Variants in RAD50 observed in about 807,000 individuals in gnomAD.
RAD50 encodes DNA repair protein RAD50.
A neutral mutation model predicts 168.8 loss-of-function variants in RAD50; 132 were observed. The observed-to-expected ratio is 0.78, with a 90% confidence interval of 0.68 to 0.90. RAD50 has a LOEUF of 0.90. RAD50 is among the 40% of genes least tolerant of loss of function. RAD50 has a pLI of 0.00. For missense variants in RAD50, 1,347 were observed against 1,534.4 expected, an observed-to-expected ratio of 0.88 and a Z score of 2.04; for synonymous variants, 525 against 497.4, an observed-to-expected ratio of 1.06 and a Z score of -0.74.
chr5:132,625,276 C>CG (rs1166434902), intron 21 of RAD50, among the ~76,000 whole-genome samples: 1 of 151,648 alleles, frequency 6.6e-6, no homozygotes, highest in African/African-American at 2.4e-5. Context: ...TTAGTAGAGA[C>CG]GGGGTTTCAC....
chr5:132,581,717 A>G (rs1451281920), intron 5 of RAD50, among the ~76,000 whole-genome samples: 1 of 152,210 alleles, frequency 6.6e-6, no homozygotes, highest in African/African-American at 2.4e-5. Flanking sequence ...ACCAATATGA[A>G]TCGGGGTCAG....
rs530247843 is a variant in RAD50 at position 132,556,983 on chromosome 5, T to C, written c.-342T>C. Reference sequence around the variant, plus strand: ...CGTGCGGGCCTAGAGGCCCACGTGATCCGCAGGGCGGCCGAGGCAGGAAGC... The same window carrying C: ...CGTGCGGGCCTAGAGGCCCACGTGACCCGCAGGGCGGCCGAGGCAGGAAGC... On this transcript the variant is annotated 5_prime_UTR_variant, in exon 1 of 25. Transcript: ENST00000378823. 2 of 911,230 alleles carry C rather than the reference T, an allele frequency of 2.2e-6. No individual in the cohort carries two copies. The highest frequency in any genetic ancestry group is 3.5e-5 in the South Asian group (2 of 57,050). 56.4% of individuals were successfully genotyped at this position (911,230 alleles called of 1,614,324 possible). A position where few individuals can be genotyped will look rare whatever the true frequency, so the allele number is the denominator to read the frequency against.
intron 21 of RAD50, among the ~76,000 whole-genome samples, chr5:132,624,532 A>G (rs190828479): frequency 9.2e-4 from 140 of 152,288 alleles, no homozygotes; most frequent in African/African-American, 2.9e-3. Context: ...AAGGAATAGG[A>G]GATCCAGTAA....
chr5:132,560,055 C>T (rs1580976641), intron 2 of RAD50, among the ~76,000 whole-genome samples: 1 of 148,862 alleles, frequency 6.7e-6, no homozygotes, highest in African/African-American at 2.6e-5. Context: ...CAACAATACA[C>T]ACACACACAC....
At chr5:132,566,707 G>A (rs1750215054) in intron 2 of RAD50, among the ~76,000 whole-genome samples, 1 of 152,170 alleles carries the variant, frequency 6.6e-6, no homozygotes, top group Non-Finnish European at 1.5e-5. Flanking sequence ...ACCATTTAGT[G>A]CCATCACCTT....
Position 132,609,318 on chromosome 5 carries a change from A to C in RAD50, c.2958A>C (p.Gln986His). Residue 986 changes from glutamine to histidine, a missense_variant, in exon 19 of 25, where the codon CAA (glutamine) becomes CAC (histidine). This residue lies in a region of RAD50 where 635 missense variants were observed against 739.2 expected (regional missense o/e 0.86). Transcript: ENST00000378823. ...CTGAACTTAATAAAGTAATAGCTCA[A>C]CTAAGTGAATGCGAGAAACACAAAG... ...KETELNKVIA[Q>H]LSECEKHKEK... 1 of 1,613,792 alleles carries C rather than the reference A, an allele frequency of 6.2e-7. No homozygotes were observed. The highest frequency in any genetic ancestry group is 8.5e-7 in the Non-Finnish European group (1 of 1,179,884).
chr5:132,578,786 C>T (rs547337892), intron 3 of RAD50, among the ~76,000 whole-genome samples: 1 of 152,106 alleles, frequency 6.6e-6, no homozygotes, highest in Non-Finnish European at 1.5e-5. Context: ...ACCTCGGCCT[C>T]CCAAATTGCT....
intron 23 of RAD50, among the ~76,000 whole-genome samples, chr5:132,640,077 G>A (rs941557875): frequency 6.6e-6 from 1 of 152,132 alleles, no homozygotes; most frequent in Non-Finnish European, 1.5e-5. Context: ...TAGTAACCAC[G>A]AAAATGCCTA....
intron 13 of RAD50, among the ~76,000 whole-genome samples, chr5:132,601,685 A>G (rs1225295825): frequency 6.6e-6 from 1 of 152,214 alleles, no homozygotes; most frequent in East Asian, 1.9e-4. Context: ...ACATATGTTT[A>G]TTGCGGCACT....
At chr5:132,586,498 G>A (rs187727699) in intron 5 of RAD50, among the ~76,000 whole-genome samples, 1 of 152,138 alleles carries the variant, frequency 6.6e-6, no homozygotes, top group Admixed American at 6.5e-5. Flanking sequence ...CCTATTGCAT[G>A]TTCTGGGGAT....
chr5:132,578,757 G>T (rs1426038942), intron 3 of RAD50, among the ~76,000 whole-genome samples: 3 of 151,740 alleles, frequency 2.0e-5, no homozygotes, highest in Non-Finnish European at 2.9e-5. Context: ...TCGAACTCCT[G>T]ACCTCAGGTG....
At chr5:132,625,775 A>C (rs1011330637) in intron 21 of RAD50, among the ~76,000 whole-genome samples, 1 of 152,162 alleles carries the variant, frequency 6.6e-6, no homozygotes, top group Non-Finnish European at 1.5e-5. Flanking sequence ...AGAACATGCA[A>C]AGTTTGTCTT....
intron 5 of RAD50, among the ~76,000 whole-genome samples, chr5:132,580,553 T>C (rs955046158): frequency 2.0e-5 from 3 of 152,336 alleles, no homozygotes; most frequent in Middle Eastern, 3.4e-3. Flanking sequence ...AATTGACATC[T>C]TTCTAGAGAA....
In RAD50 at chr5:132,611,532, C is replaced by T. The variant is rs186850608; in HGVS notation, c.3036+2136C>T. On this transcript the variant is annotated intron_variant, in intron 19 of 24. Transcript: ENST00000378823. ...CATCCTGGCTAACACGCCGAAACCC[C>T]GTCTCTACTAAAAAATACAAAAAAT... Among the ~76,000 whole-genome samples the T allele has an allele frequency of 3.8e-4, 57 of 151,464 alleles. No homozygotes were observed. The East Asian group carries it at 8.1e-3, about 22-fold the overall frequency.
intron 5 of RAD50, among the ~76,000 whole-genome samples, chr5:132,581,300 A>G (rs1020494974): frequency 5.9e-5 from 9 of 152,088 alleles, no homozygotes; most frequent in African/African-American, 1.7e-4. Context: ...TTGTATTTTT[A>G]GTAGAGACGG....
chr5:132,562,843 T>C (rs1420934016), intron 2 of RAD50, among the ~76,000 whole-genome samples: 2 of 152,042 alleles, frequency 1.3e-5, no homozygotes, highest in African/African-American at 2.4e-5. Flanking sequence ...CCTTTAGAAA[T>C]TGGGAAGAGG....
chr5:132,598,320 G>T (rs1750828206), intron 13 of RAD50, among the ~76,000 whole-genome samples: 1 of 152,310 alleles, frequency 6.6e-6, no homozygotes, highest in East Asian at 1.9e-4. Context: ...AAAGTGCTGG[G>T]ATTACAGGCG....
chr5:132,630,136 G>A (rs1247726830), intron 21 of RAD50, among the ~76,000 whole-genome samples: 5 of 150,722 alleles, frequency 3.3e-5, no homozygotes, highest in African/African-American at 4.9e-5. Flanking sequence ...TCCACCTCCC[G>A]GGTTCAAGCA....
intron 16 of RAD50, among the ~76,000 whole-genome samples, chr5:132,605,773 AAC>A (rs1750975120): frequency 6.6e-6 from 1 of 150,474 alleles, no homozygotes; most frequent in Non-Finnish European, 1.5e-5. Flanking sequence ...AATCATAACA[AAC>A]AGTCTCTCAG....
Sources: allele counts gnomAD v4.1 joint callset (sites outside exome capture counted in the v4.1 genomes callset), GRCh38; gene constraint gnomAD v4.1.1; regional missense constraint gnomAD v4.1.1; transcripts MANE v1.5; gene names NCBI Gene and HGNC (gene_info 2026-07-23, HGNC 2026-07-21).